RERE: variants seen among roughly 807,000 people sequenced by gnomAD.
RERE encodes the protein arginine-glutamic acid dipeptide repeats protein.
RERE carries 40 observed loss-of-function variants against 146.1 expected under a neutral mutation model. The ratio of observed to expected loss-of-function variants is 0.27; its 90% CI spans 0.21 to 0.36. The LOEUF (loss-of-function observed/expected upper bound fraction) is 0.36, where lower values mean the gene tolerates loss of function less well. RERE is among the 10% of genes least tolerant of loss of function. RERE has a pLI of 1.00. For synonymous variants in RERE, 1,003 were observed against 866.0 expected, an observed-to-expected ratio of 1.16 and a Z score of -2.78; for missense variants, 1,933 against 2,138.7, an observed-to-expected ratio of 0.90 and a Z score of 1.90.
intron 7 of RERE, among the ~76,000 whole-genome samples, chr1:8,515,944 C>T (rs1645408500): frequency 6.6e-6 from 1 of 151,094 alleles, no homozygotes; most frequent in Non-Finnish European, 1.5e-5. Context: ...AGGCCGGGTG[C>T]GGTGGCTCGT....
At chr1:8,572,926 CT>C (rs909756169) in intron 4 of RERE, among the ~76,000 whole-genome samples, 7 of 152,164 alleles carry the variant, frequency 4.6e-5, no homozygotes, top group African/African-American at 1.7e-4. Flanking sequence ...CTCAAAAGTA[CT>C]TCAGGATAGC....
chr1:8,385,491 T>C (rs1642605253), intron 12 of RERE, among the ~76,000 whole-genome samples: 1 of 152,090 alleles, frequency 6.6e-6, no homozygotes, highest in Non-Finnish European at 1.5e-5. Context: ...ACCACGGAGT[T>C]TTAAATCCTG....
intron 1 of RERE, among the ~76,000 whole-genome samples, chr1:8,665,612 C>T (rs772211399): frequency 5.3e-5 from 8 of 152,128 alleles, no homozygotes; most frequent in Non-Finnish European, 1.2e-4. Flanking sequence ...GGAGGAACTT[C>T]ACTTAAGAGA....
intron 4 of RERE, among the ~76,000 whole-genome samples, chr1:8,574,439 G>A (rs919616071): frequency 2.0e-5 from 3 of 148,734 alleles, no homozygotes; most frequent in East Asian, 4.0e-4. Flanking sequence ...CCGCCTCTCG[G>A]GTTCATGCCA....
intron 4 of RERE, among the ~76,000 whole-genome samples, chr1:8,575,801 G>C (rs1646288093): frequency 6.6e-6 from 1 of 151,810 alleles, no homozygotes; most frequent in Admixed American, 6.6e-5. Flanking sequence ...ACTTGGCAGG[G>C]TACAAGGAAA....
At chr1:8,629,703 G>C (rs1257775281) in intron 2 of RERE, among the ~76,000 whole-genome samples, 1 of 152,174 alleles carries the variant, frequency 6.6e-6, no homozygotes, top group East Asian at 1.9e-4. Flanking sequence ...TTAGCAAGCA[G>C]TGCCACACAC....
chr1:8,404,065 G>A (rs949207990), intron 12 of RERE, among the ~76,000 whole-genome samples: 3 of 151,738 alleles, frequency 2.0e-5, no homozygotes, highest in African/African-American at 4.8e-5. Flanking sequence ...TCTTGACTTC[G>A]TGATCCGCCC....
chr1:8,736,519 T>TA (rs1276268136), intron 1 of RERE, among the ~76,000 whole-genome samples: 1 of 152,180 alleles, frequency 6.6e-6, no homozygotes, highest in Admixed American at 6.5e-5. Flanking sequence ...TACTTGTTCT[T>TA]AAAGTGAGCA....
At chr1:8,733,855 A>C (rs1411865040) in intron 1 of RERE, among the ~76,000 whole-genome samples, 1 of 152,230 alleles carries the variant, frequency 6.6e-6, no homozygotes, top group East Asian at 1.9e-4. Context: ...TCACGCCTAT[A>C]ATCCCAGCAC....
chr1:8,606,821 G>A (rs1249534837), intron 4 of RERE, among the ~76,000 whole-genome samples: 1 of 152,054 alleles, frequency 6.6e-6, no homozygotes, highest in Non-Finnish European at 1.5e-5. Context: ...TGGGACAAGA[G>A]GGAAAAACTA....
intron 2 of RERE, among the ~76,000 whole-genome samples, chr1:8,638,605 T>C (rs1162933065): frequency 1.3e-5 from 2 of 152,172 alleles, no homozygotes. Context: ...AAACTGCGAA[T>C]AGCTTAACTC....
chr1:8,503,092 AAATAAAT>A (rs1645201506), intron 8 of RERE, among the ~76,000 whole-genome samples: 2 of 91,730 alleles, frequency 2.2e-5, no homozygotes, highest in African/African-American at 8.9e-5. Context: ...AATTAAAAAT[AAATAAAT>A]AAATAAATAA....
intron 12 of RERE, among the ~76,000 whole-genome samples, chr1:8,383,078 C>T (rs1030242695): frequency 2.0e-5 from 3 of 150,888 alleles, no homozygotes; most frequent in African/African-American, 7.3e-5. Context: ...TATCATGTTT[C>T]CCCTAGAACG....
chr1:8,543,995 G>C (rs1036990811), intron 6 of RERE, among the ~76,000 whole-genome samples: 1 of 152,116 alleles, frequency 6.6e-6, no homozygotes, highest in Non-Finnish European at 1.5e-5. Flanking sequence ...ATACAATGTG[G>C]AAAGAGTGAA....
intron 11 of RERE, among the ~76,000 whole-genome samples, chr1:8,448,697 C>T (rs747343570): frequency 4.6e-5 from 7 of 152,116 alleles, no homozygotes; most frequent in Non-Finnish European, 7.4e-5. Flanking sequence ...ATGGCCCTGG[C>T]GCACATCTGT....
intron 11 of RERE, among the ~76,000 whole-genome samples, chr1:8,445,111 AG>A (rs1644301101): frequency 6.6e-6 from 1 of 152,202 alleles, no homozygotes. Flanking sequence ...AAATTCTTTT[AG>A]GGGCTTCATA....
At chr1:8,513,578 A>T (rs1003412952) in intron 7 of RERE, among the ~76,000 whole-genome samples, 8 of 152,190 alleles carry the variant, frequency 5.3e-5, no homozygotes, top group African/African-American at 1.9e-4. Context: ...CAAGAGTTCG[A>T]GACTAGCCTG....
intron 1 of RERE, among the ~76,000 whole-genome samples, chr1:8,716,615 A>G (rs1441389124): frequency 2.6e-5 from 4 of 151,088 alleles, no homozygotes; most frequent in Non-Finnish European, 5.9e-5. Flanking sequence ...ATAAACAAAC[A>G]AAAAAAAATA....
chr1:8,606,791 TTC>T (rs1314889093), intron 4 of RERE, among the ~76,000 whole-genome samples: 1 of 152,148 alleles, frequency 6.6e-6, no homozygotes, highest in East Asian at 1.9e-4. Context: ...TTCTCAAATT[TTC>T]ATTTAGAGAA....
Sources: gnomAD v4.1 joint callset for allele counts (sites outside exome capture counted in the v4.1 genomes callset) on GRCh38, gnomAD v4.1.1 for gene constraint, MANE v1.5 for transcripts, NCBI Gene and HGNC (gene_info 2026-07-23, HGNC 2026-07-21) for gene names.